Variants in TSC2 observed in about 807,000 individuals in gnomAD.
TSC2 encodes TSC complex subunit 2.
In TSC2, 29 loss-of-function variants were observed where a neutral mutation model predicts 202.2. That is an observed-to-expected ratio of 0.14 (90% CI 0.11 to 0.20). The LOEUF (loss-of-function observed/expected upper bound fraction) is 0.20. Ranked by LOEUF, TSC2 falls within the 10% of genes least tolerant of loss-of-function variation. TSC2 has a pLI of 1.00. For synonymous variants in TSC2, 1,349 were observed against 1,044.0 expected, an observed-to-expected ratio of 1.29 and a Z score of -5.63; for missense variants, 2,429 against 2,420.0, an observed-to-expected ratio of 1.00 and a Z score of -0.08.
chr16:2,048,170 G>T, intron 1 of TSC2, 105 bp downstream of exon 1: 2 of 1,538,342 alleles, frequency 1.3e-6, no homozygotes, highest in East Asian at 4.9e-5. Flanking sequence ...CGCGCCCACT[G>T]CAACCCGACT....
At chr16:2,069,463 A>G (rs981173911) in intron 16 of TSC2, among the ~76,000 whole-genome samples, 9 of 148,600 alleles carry the variant, frequency 6.1e-5, no homozygotes, top group East Asian at 2.0e-4. Flanking sequence ...ATTTACAGGC[A>G]TGCACCACCA....
chr16:2,078,923 TC>T (rs779393719), intron 26 of TSC2, 108 bp from the exon 27 acceptor site: 9 of 1,483,256 alleles, frequency 6.1e-6, no homozygotes, highest in Non-Finnish European at 8.4e-6. Flanking sequence ...TTGGGGTCTT[TC>T]CGAGCGAGGT....
intron 33 of TSC2, 95 bp from the exon 34 acceptor site, chr16:2,084,133 G>A: frequency 5.2e-6 from 8 of 1,543,854 alleles, no homozygotes; most frequent in Non-Finnish European, 7.0e-6. Context: ...GCCCTGGGAT[G>A]GAGGACAGAT....
chr16:2,072,283 C>G lies in TSC2; in HGVS notation c.2140C>G (p.Pro714Ala), dbSNP rs1596347240. Reference protein sequence around the residue: ...KVLKLVLGRLPESLRYKVLIF... With the variant: ...KVLKLVLGRLAESLRYKVLIF... ...GCTGAAGCTGGTTCTGGGCAGGCTG[C>G]CTGAGTCCCTGCGCTATAAAGTGCT... Residue 714 changes from proline to alanine, a missense_variant, in exon 20 of 42, where the codon CCT (proline) becomes GCT (alanine). Physicochemically the swap from Pro to Ala is conservative, Grantham distance 27. Transcript: ENST00000219476. The G allele has an allele frequency of 6.2e-7, 1 of 1,614,134 alleles. No homozygotes were observed. Among genetic ancestry groups the G allele is most frequent in the South Asian group, 1.1e-5 (1 of 91,092 alleles).
Position 2,088,916 on chromosome 16 carries a change from C to G in TSC2, c.*306C>G. On this transcript the variant is annotated 3_prime_UTR_variant, in exon 42 of 42. Coordinates refer to ENST00000219476, the MANE Select transcript of TSC2 (RefSeq NM_000548.5). ...ACACACACAGTCACCTTCCTCCACC[C>G]TGGGAGCCAGCCCCCAGGAGGAGTC... The G allele has an allele frequency of 2.5e-6, 1 of 398,216 alleles. No individual in the cohort carries two copies. Among genetic ancestry groups the G allele is most frequent in the South Asian group, 2.7e-5 (1 of 36,668 alleles). The allele number at this position is 398,216 out of a possible 1,614,324, so 24.7% of individuals were successfully genotyped here.
intron 3 of TSC2, 62 bp downstream of exon 3, chr16:2,050,548 CT>C: frequency 2.1e-6 from 3 of 1,413,324 alleles, no homozygotes; most frequent in Non-Finnish European, 3.0e-6. Context: ...CCTGAGTTTG[CT>C]TTTTTTAGGA....
intron 16 of TSC2, among the ~76,000 whole-genome samples, chr16:2,068,968 T>A (rs1176531276): frequency 1.3e-5 from 2 of 151,682 alleles, no homozygotes; most frequent in African/African-American, 4.8e-5. Flanking sequence ...ATTGTTGTCA[T>A]CCTCATGTTG....
intron 10 of TSC2, among the ~76,000 whole-genome samples, chr16:2,059,207 G>A (rs564783850): frequency 2.7e-5 from 4 of 149,028 alleles, no homozygotes; most frequent in East Asian, 2.0e-4. Context: ...TAGTAGAGAC[G>A]GGGTTTCGCC....
intron 16 of TSC2, chr16:2,068,872 C>T (rs77690624): frequency 1.1e-5 from 1 of 90,252 alleles, no homozygotes; most frequent in Non-Finnish European, 2.1e-5. Context: ...GACTCCGTCT[C>T]AAAAAAAAAA....
chr16:2,049,692 G>C (rs905679267), intron 2 of TSC2, among the ~76,000 whole-genome samples: 5 of 151,548 alleles, frequency 3.3e-5, no homozygotes, highest in Admixed American at 6.6e-5. Context: ...CGGTCATAGT[G>C]GTGGGCGCCT....
chr16:2,074,494 G>T, intron 22 of TSC2, 105 bp downstream of exon 22: 1 of 1,419,408 alleles, frequency 7.0e-7, no homozygotes. Flanking sequence ...GAACCTGGGT[G>T]TCTCGCCTTC....
At chr16:2,082,145 T>G (rs2090220689) in intron 31 of TSC2, 1 of 592,234 alleles carries the variant, frequency 1.7e-6, no homozygotes, top group African/African-American at 1.9e-5. Flanking sequence ...GCCTGCGCAC[T>G]CTGGGCCCCC....
At chr16:2,074,534 C>T (rs937690997) in intron 22 of TSC2, 145 bp downstream of exon 22, 68 of 1,031,376 alleles carry the variant, frequency 6.6e-5, no homozygotes, top group East Asian at 6.3e-4. Flanking sequence ...CGTCTCTGCC[C>T]GGCTGCCATG....
chr16:2,081,492 G>C (rs1195473523), intron 30 of TSC2, 103 bp from the exon 31 acceptor site: 6 of 1,425,394 alleles, frequency 4.2e-6, no homozygotes, highest in Non-Finnish European at 5.9e-6. Flanking sequence ...GTGGGAGGGA[G>C]CATGAGGGCA....
chr16:2,064,947 C>G (rs575002538), intron 15 of TSC2: 1 of 200,432 alleles, frequency 5.0e-6, no homozygotes, highest in Non-Finnish European at 1.0e-5. Flanking sequence ...AATCCTGTCT[C>G]TACTAAAAAT....
intron 31 of TSC2, chr16:2,082,169 C>G (rs2090224106): frequency 3.3e-6 from 2 of 597,310 alleles, no homozygotes; most frequent in African/African-American, 1.9e-5. Context: ...CCACTCGGCA[C>G]CGTGCTTCTC....
intron 16 of TSC2, among the ~76,000 whole-genome samples, chr16:2,067,054 A>C (rs1237595617): frequency 6.6e-6 from 1 of 152,180 alleles, no homozygotes; most frequent in African/African-American, 2.4e-5. Flanking sequence ...AGTTTGCTCA[A>C]AAGCTCATCC....
chr16:2,070,328 G>C, intron 16 of TSC2, 128 bp from the exon 17 acceptor site: 3 of 1,522,576 alleles, frequency 2.0e-6, no homozygotes, highest in Non-Finnish European at 2.7e-6. Flanking sequence ...TCCTGGGTTT[G>C]AAGGTCGTGT....
intron 32 of TSC2, 120 bp from the exon 33 acceptor site, chr16:2,083,575 C>T (rs1247359050): frequency 2.6e-6 from 4 of 1,509,738 alleles, no homozygotes; most frequent in Admixed American, 2.0e-5. Flanking sequence ...AAGCAGAGCC[C>T]TGGGGAGGCT....
Sources: gnomAD v4.1 joint callset for allele counts (sites outside exome capture counted in the v4.1 genomes callset) on GRCh38, gnomAD v4.1.1 for gene constraint, MANE v1.5 for transcripts, NCBI Gene and HGNC (gene_info 2026-07-23, HGNC 2026-07-21) for gene names.